The following ZFAND3 variants were observed in gnomAD, a reference collection of about 807,000 sequenced individuals.
The protein encoded by ZFAND3 is zinc finger AN1-type containing 3.
In ZFAND3, 10 loss-of-function variants were observed where a neutral mutation model predicts 29.6. The ratio of observed to expected loss-of-function variants is 0.34; its 90% confidence interval spans 0.21 to 0.57. The LOEUF (loss-of-function observed/expected upper bound fraction) is 0.57. Among genes scored for constraint, ZFAND3 ranks in the 20% least tolerant of loss-of-function variants. The pLI, the probability that ZFAND3 is intolerant of heterozygous loss-of-function variation, is 0.86. For missense variants in ZFAND3, 230 were observed against 304.5 expected (o/e 0.76, Z 1.82); for synonymous variants, 128 against 112.6 (o/e 1.14, Z -0.87).
At chr6:38,090,868 A>G (rs564929132) in intron 4 of ZFAND3, among the ~76,000 whole-genome samples, 1 of 152,338 alleles carries the variant, frequency 6.6e-6, no homozygotes, top group Admixed American at 6.5e-5. Flanking sequence ...TTCAGATAAG[A>G]TGAGGGAAAA....
chr6:38,128,766 C>G (rs913136480), intron 5 of ZFAND3, among the ~76,000 whole-genome samples: 4 of 152,108 alleles, frequency 2.6e-5, no homozygotes, highest in African/African-American at 9.7e-5. Flanking sequence ...TGGGTTGGTT[C>G]TACGTTTTTG....
At chr6:37,988,857 T>TCGGAGCACTGGAGCCCCCC in intron 2 of ZFAND3, among the ~76,000 whole-genome samples, 1 of 152,302 alleles carries the variant, frequency 6.6e-6, no homozygotes, top group African/African-American at 2.4e-5. Context: ...GTGTGCTTGT[T>TCGGAGCACTGGAGCCCCCC]CGCATGTTTT....
chr6:38,042,010 G>C (rs576459456), intron 2 of ZFAND3, among the ~76,000 whole-genome samples: 6 of 148,606 alleles, frequency 4.0e-5, no homozygotes, highest in East Asian at 2.0e-4. Flanking sequence ...TTTTTTTTGG[G>C]GGGGAGGGGG....
At chr6:37,840,455 C>A (rs1764051831) in intron 1 of ZFAND3, among the ~76,000 whole-genome samples, 1 of 152,214 alleles carries the variant, frequency 6.6e-6, no homozygotes, top group Non-Finnish European at 1.5e-5. Context: ...TTGAGTACTT[C>A]CTTTGTAATA....
rs1222596827 is a variant in ZFAND3, at chr6:37,896,564, TTCTTTCTC to T, written c.72-33383_72-33376del. On this transcript the variant is annotated intron_variant, in intron 1 of 5. Transcript: ENST00000287218. The stretch of plus-strand genomic sequence containing the variant: ...TTTCTTTCTTTCTTTCTTTCTTTCT[TTCTTTCTC>T]TCTTTCTCTCTCTTTCTCTTTTTCT... 1.3e-3 allele frequency among the ~76,000 whole-genome samples: 187 copies of T among 146,512 alleles called. 3 individuals carry two copies. Among genetic ancestry groups the T allele is most frequent in the African/African-American group, 3.9e-3 (152 of 39,152 alleles).
chr6:38,134,186 G>A (rs181161829), intron 5 of ZFAND3, among the ~76,000 whole-genome samples: 20 of 152,266 alleles, frequency 1.3e-4, no homozygotes, highest in Non-Finnish European at 2.6e-4. Flanking sequence ...GTCTCCCGCT[G>A]TACCTGGGTA....
At chr6:38,125,787 GTTT>G (rs1206107658) in intron 5 of ZFAND3, among the ~76,000 whole-genome samples, 1 of 152,136 alleles carries the variant, frequency 6.6e-6, no homozygotes. Flanking sequence ...GTAGTAAATA[GTTT>G]TAGTTAATTC....
intron 2 of ZFAND3, among the ~76,000 whole-genome samples, chr6:38,029,906 A>G (rs1763519306): frequency 6.6e-6 from 1 of 151,970 alleles, no homozygotes; most frequent in Non-Finnish European, 1.5e-5. Flanking sequence ...TACAAATAAG[A>G]AAAACATAAA....
intron 1 of ZFAND3, among the ~76,000 whole-genome samples, chr6:37,852,624 T>A (rs1581709106): frequency 6.6e-6 from 1 of 152,206 alleles, no homozygotes; most frequent in Non-Finnish European, 1.5e-5. Flanking sequence ...TCTCCAGACA[T>A]AATTTTTGTG....
At chr6:38,041,576 A>C (rs912964241) in intron 2 of ZFAND3, among the ~76,000 whole-genome samples, 1 of 150,336 alleles carries the variant, frequency 6.7e-6, no homozygotes, top group African/African-American at 2.4e-5. Context: ...GCTCCTGGGC[A>C]TCCCTTCAAA....
chr6:38,122,297 A>G (rs1765550535), intron 5 of ZFAND3, among the ~76,000 whole-genome samples: 1 of 152,226 alleles, frequency 6.6e-6, no homozygotes, highest in East Asian at 1.9e-4. Context: ...AGAATACCTA[A>G]TACAATGTAA....
intron 2 of ZFAND3, among the ~76,000 whole-genome samples, chr6:38,045,765 G>A (rs1477709549): frequency 6.6e-6 from 1 of 152,072 alleles, no homozygotes; most frequent in Non-Finnish European, 1.5e-5. Context: ...CAGGACAAAG[G>A]GAAAATACAG....
At chr6:37,983,648 C>T (rs1762617277) in intron 2 of ZFAND3, among the ~76,000 whole-genome samples, 1 of 152,074 alleles carries the variant, frequency 6.6e-6, no homozygotes, top group African/African-American at 2.4e-5. Context: ...CGTGAGCCAC[C>T]CCCCACCCCT....
chr6:37,918,352 G>A (rs1231459940), intron 1 of ZFAND3, among the ~76,000 whole-genome samples: 1 of 152,170 alleles, frequency 6.6e-6, no homozygotes, highest in Non-Finnish European at 1.5e-5. Flanking sequence ...GAGGATTACA[G>A]GCGTGAGCCA....
At chr6:37,878,240 C>G (rs1394531566) in intron 1 of ZFAND3, among the ~76,000 whole-genome samples, 6 of 152,156 alleles carry the variant, frequency 3.9e-5, no homozygotes, top group Non-Finnish European at 5.9e-5. Flanking sequence ...AGCTCACTGC[C>G]ATTACTATCC....
intron 1 of ZFAND3, among the ~76,000 whole-genome samples, chr6:37,870,118 G>A (rs1167222436): frequency 1.3e-5 from 2 of 151,718 alleles, no homozygotes; most frequent in African/African-American, 2.4e-5. Context: ...TTTCATTTGT[G>A]ATTTTTTTCT....
chr6:37,998,466 A>G (rs1314542042), intron 2 of ZFAND3, among the ~76,000 whole-genome samples: 1 of 151,858 alleles, frequency 6.6e-6, no homozygotes, highest in African/African-American at 2.4e-5. Flanking sequence ...TGTTTAGGAG[A>G]TCCCAGGATA....
intron 5 of ZFAND3, among the ~76,000 whole-genome samples, chr6:38,129,803 CTT>C (rs35241336): frequency 2.5e-4 from 37 of 145,824 alleles, no homozygotes; most frequent in Middle Eastern, 3.5e-3. Flanking sequence ...GATATGTGGG[CTT>C]TTTTTTTTTT....
At chr6:38,119,319 A>C (rs1461463187) in intron 5 of ZFAND3, among the ~76,000 whole-genome samples, 1 of 152,166 alleles carries the variant, frequency 6.6e-6, no homozygotes, top group Non-Finnish European at 1.5e-5. Flanking sequence ...CTGCCCTGAA[A>C]GGTTTTAGAG....
Sources: gnomAD v4.1 joint callset for allele counts (sites outside exome capture counted in the v4.1 genomes callset) on GRCh38, gnomAD v4.1.1 for gene constraint, MANE v1.5 for transcripts, NCBI Gene and HGNC (gene_info 2026-07-23, HGNC 2026-07-21) for gene names.